MSRA: variants seen among roughly 807,000 people sequenced by gnomAD.
MSRA encodes the protein methionine sulfoxide reductase A, also known as mitochondrial peptide methionine sulfoxide reductase.
A neutral mutation model predicts 31.3 loss-of-function variants in MSRA; 54 were observed. The ratio of observed to expected loss-of-function variants is 1.73; its 90% CI spans 1.39 to 2.17. MSRA has a LOEUF of 2.17. Ranked by LOEUF, MSRA falls within the 30% of genes most tolerant of loss-of-function variation. The pLI is 0.00. For synonymous variants in MSRA, 169 were observed against 116.5 expected (o/e 1.45, Z -2.90); for missense variants, 507 against 300.9 (o/e 1.69, Z -5.07).
rs559298439 is a variant in MSRA, at chr8:10,111,364, C to G, written c.142+56706C>G. ...CCCTCATTGAGATGCTACACCACTG[C>G]GTCTTCTCTCTCTTGGGGCCACTTA... is the stretch of plus-strand genomic sequence containing the variant. On this transcript the variant is annotated intron_variant, in intron 1 of 5. Coordinates refer to ENST00000317173, the MANE Select transcript of MSRA (RefSeq NM_012331.5). Among the ~76,000 whole-genome samples, 452 of 152,272 alleles carry G rather than the reference C, an allele frequency of 3.0e-3. 3 individuals carry two copies. Among genetic ancestry groups the G allele is most frequent in the African/African-American group, 1.0e-2 (415 of 41,548 alleles).
chr8:10,349,815 T>C (rs1407545026), intron 5 of MSRA, among the ~76,000 whole-genome samples: 4 of 152,264 alleles, frequency 2.6e-5, no homozygotes, highest in African/African-American at 9.6e-5. Context: ...GTGTCCTTGA[T>C]GTCTGTGAAC....
chr8:10,135,865 C>T (rs1210391764), intron 1 of MSRA, among the ~76,000 whole-genome samples: 1 of 152,210 alleles, frequency 6.6e-6, no homozygotes, highest in African/African-American at 2.4e-5. Context: ...GGTCTTTTCA[C>T]AGAGGCATAA....
rs1191432770 is a variant in MSRA, at chr8:10,060,454, C to G, written c.142+5796C>G. Among the ~76,000 whole-genome samples the G allele has an allele frequency of 3.9e-5, 6 of 152,102 alleles. No individual in the cohort carries two copies. The South Asian group carries it at 1.2e-3, about 32-fold the overall frequency. On this transcript the variant is annotated intron_variant, in intron 1 of 5. Coordinates refer to ENST00000317173, the MANE Select transcript of MSRA (RefSeq NM_012331.5). ...GAAAGGATAGCTAAGAAATTAATGG[C>G]TGAGGAGGGGGCTGTGTAATGAGGA... is the stretch of plus-strand genomic sequence containing the variant.
At chr8:10,353,736 T>C in intron 5 of MSRA, 1 of 439,854 alleles carries the variant, frequency 2.3e-6, no homozygotes, top group Non-Finnish European at 4.6e-6. Flanking sequence ...GTCTACGTCC[T>C]GAGATACCCA....
At chr8:10,377,810 G>A (rs988137715) in intron 5 of MSRA, among the ~76,000 whole-genome samples, 1 of 152,206 alleles carries the variant, frequency 6.6e-6, no homozygotes, top group Non-Finnish European at 1.5e-5. Flanking sequence ...CCACGTGCTG[G>A]GTGTGGAGGC....
At chr8:10,063,555 A>AC (rs986315476) in intron 1 of MSRA, among the ~76,000 whole-genome samples, 10 of 151,528 alleles carry the variant, frequency 6.6e-5, no homozygotes, top group East Asian at 1.9e-4. Context: ...TGAAATCCTC[A>AC]CCCCCCCAGG....
chr8:10,417,691 C>T (rs574213942), intron 5 of MSRA, among the ~76,000 whole-genome samples: 2 of 149,872 alleles, frequency 1.3e-5, no homozygotes, highest in Non-Finnish European at 3.0e-5. Context: ...TTTGGTCAAC[C>T]TGTGCTCCCT....
intron 2 of MSRA, among the ~76,000 whole-genome samples, chr8:10,220,428 T>C (rs1266737698): frequency 2.6e-5 from 4 of 152,190 alleles, no homozygotes; most frequent in African/African-American, 7.2e-5. Context: ...CAAAACAATC[T>C]TTCAAAAATA....
At chr8:10,100,418 G>C (rs1387154896) in intron 1 of MSRA, among the ~76,000 whole-genome samples, 2 of 152,120 alleles carry the variant, frequency 1.3e-5, no homozygotes, top group Non-Finnish European at 2.9e-5. Flanking sequence ...TGCTTGTGGA[G>C]GTCCTGGGGT....
intron 5 of MSRA, among the ~76,000 whole-genome samples, chr8:10,375,629 G>A: frequency 6.6e-6 from 1 of 152,156 alleles, no homozygotes; most frequent in Admixed American, 6.5e-5. Flanking sequence ...CCTGGGCATT[G>A]GCTTGTCCAG....
intron 5 of MSRA, among the ~76,000 whole-genome samples, chr8:10,419,755 C>G (rs1808699772): frequency 6.6e-6 from 1 of 152,162 alleles, no homozygotes; most frequent in South Asian, 2.1e-4. Context: ...GGGTGGAGGG[C>G]AGGCGGGCAA....
chr8:10,222,408 A>G (rs1264932424), intron 2 of MSRA, among the ~76,000 whole-genome samples: 1 of 152,050 alleles, frequency 6.6e-6, no homozygotes, highest in Non-Finnish European at 1.5e-5. Flanking sequence ...TGTTGGTGGG[A>G]TTGTAAATTG....
chr8:10,200,035 C>G (rs1808360160), intron 1 of MSRA, among the ~76,000 whole-genome samples: 1 of 152,176 alleles, frequency 6.6e-6, no homozygotes, highest in Admixed American at 6.5e-5. Flanking sequence ...ATTGTGACCT[C>G]TTGAAGCTCA....
chr8:10,066,179 G>T (rs557115277), intron 1 of MSRA, among the ~76,000 whole-genome samples: 1 of 152,172 alleles, frequency 6.6e-6, no homozygotes, highest in African/African-American at 2.4e-5. Flanking sequence ...GCCCAGCAGG[G>T]TTTCCCCATG....
intron 1 of MSRA, among the ~76,000 whole-genome samples, chr8:10,193,452 A>G (rs1242376776): frequency 1.3e-5 from 2 of 152,180 alleles, no homozygotes; most frequent in Non-Finnish European, 2.9e-5. Context: ...AGAATCCATC[A>G]AAGAAGTGTC....
chr8:10,100,027 C>T (rs1302328393), intron 1 of MSRA, among the ~76,000 whole-genome samples: 2 of 152,114 alleles, frequency 1.3e-5, no homozygotes, highest in African/African-American at 4.8e-5. Flanking sequence ...GGCAGTTGTG[C>T]AGAGTTGAGG....
intron 5 of MSRA, among the ~76,000 whole-genome samples, chr8:10,323,834 G>C (rs1317283561): frequency 6.6e-6 from 1 of 151,590 alleles, no homozygotes; most frequent in Non-Finnish European, 1.5e-5. Flanking sequence ...TTTAAAAGTA[G>C]GGTCTATTTT....
rs566122648 is a variant in MSRA at position 10,411,824 on chromosome 8, C to T, written c.544-16324C>T. Among the ~76,000 whole-genome samples the T allele has an allele frequency of 5.9e-5, 9 of 152,326 alleles. No individual in the cohort carries two copies. The South Asian group carries it at 1.7e-3, about 28-fold the overall frequency. On this transcript the variant is annotated intron_variant, in intron 5 of 5. Coordinates refer to ENST00000317173, the MANE Select transcript of MSRA (RefSeq NM_012331.5). ...GTTGAAAGTTAATTTTCTCTGTGTT[C>T]AGGAAGATTCTGCCAGCAGCTCCTA...
chr8:10,083,541 G>A (rs1308205898), intron 1 of MSRA, among the ~76,000 whole-genome samples: 2 of 152,078 alleles, frequency 1.3e-5, no homozygotes, highest in African/African-American at 2.4e-5. Flanking sequence ...TTTTTTCAAG[G>A]GTGAATCATA....
Sources: allele counts gnomAD v4.1 joint callset (sites outside exome capture counted in the v4.1 genomes callset), GRCh38; gene constraint gnomAD v4.1.1; transcripts MANE v1.5; gene names NCBI Gene and HGNC (gene_info 2026-07-23, HGNC 2026-07-21).